The following FMN1 variants were observed in gnomAD, a reference collection of about 807,000 sequenced individuals.
FMN1 encodes formin-1.
FMN1 carries 110 observed loss-of-function variants against 132.4 expected under a neutral mutation model. That is an observed-to-expected ratio of 0.83 (90% CI 0.71 to 0.97). FMN1 has a LOEUF of 0.97. Ranked by LOEUF, FMN1 falls within the 50% of genes least tolerant of loss-of-function variation. The pLI, the probability that FMN1 is intolerant of heterozygous loss-of-function variation, is 0.00. For synonymous variants in FMN1, 722 were observed against 651.7 expected (o/e 1.11, Z -1.64); for missense variants, 1,792 against 1,705.3 (o/e 1.05, Z -0.90).
chr15:33,088,719 C>A (rs766842516), intron 5 of FMN1, 80 bp downstream of exon 5: 32 of 1,236,624 alleles, frequency 2.6e-5, no homozygotes, highest in Non-Finnish European at 3.2e-5. Context: ...TTTATATACA[C>A]AATTTACATT....
At chr15:33,010,328 G>A (rs369963200) in intron 6 of FMN1, among the ~76,000 whole-genome samples, 3 of 152,110 alleles carry the variant, frequency 2.0e-5, no homozygotes, top group Non-Finnish European at 2.9e-5. Context: ...GGAGGGGGTT[G>A]ACTGCAAAGT....
intron 6 of FMN1, among the ~76,000 whole-genome samples, chr15:33,019,442 G>A (rs538394812): frequency 3.3e-5 from 5 of 152,304 alleles, no homozygotes; most frequent in South Asian, 4.1e-4. Flanking sequence ...ATCCTGCACC[G>A]GGGCCGCAGG....
chr15:32,856,555 TTC>T (rs1364825510), intron 17 of FMN1, among the ~76,000 whole-genome samples: 2 of 152,168 alleles, frequency 1.3e-5, no homozygotes, highest in African/African-American at 4.8e-5. Flanking sequence ...GGCCCTAATT[TTC>T]CTATCTGAAA....
intron 7 of FMN1, among the ~76,000 whole-genome samples, chr15:32,994,751 G>A (rs919803661): frequency 2.1e-5 from 2 of 94,072 alleles, no homozygotes; most frequent in Admixed American, 2.7e-4. Context: ...GGATGATCAA[G>A]TTCATAAAGC....
chr15:33,122,288 C>T (rs185846439), intron 4 of FMN1, among the ~76,000 whole-genome samples: 29 of 152,280 alleles, frequency 1.9e-4, no homozygotes, highest in African/African-American at 6.3e-4. Flanking sequence ...CTCCGTAAAA[C>T]GTTGTTGTGT....
At chr15:33,035,453 C>A (rs2036146914) in intron 6 of FMN1, among the ~76,000 whole-genome samples, 1 of 152,216 alleles carries the variant, frequency 6.6e-6, no homozygotes, top group African/African-American at 2.4e-5. Context: ...TGGCTCTGCA[C>A]TGCTTCTGGG....
chr15:33,026,410 TCACACACACACA>T (rs71113496), intron 6 of FMN1, among the ~76,000 whole-genome samples: 1 of 140,114 alleles, frequency 7.1e-6, no homozygotes, highest in African/African-American at 2.6e-5. Flanking sequence ...GTCCAAATTT[TCACACACACACA>T]CACACACACA....
intron 7 of FMN1, among the ~76,000 whole-genome samples, chr15:32,999,570 C>T (rs2033972999): frequency 6.6e-6 from 1 of 152,222 alleles, no homozygotes; most frequent in Non-Finnish European, 1.5e-5. Context: ...AATGTGACTG[C>T]ATTGCACAAT....
intron 6 of FMN1, among the ~76,000 whole-genome samples, chr15:33,048,631 C>CAAAAA (rs768997793): frequency 1.6e-4 from 7 of 43,440 alleles, no homozygotes; most frequent in African/African-American, 4.5e-4. Context: ...GGCAATTTAC[C>CAAAAA]AAAAAAAAAA....
At chr15:32,905,377 C>A (rs1309088156) in intron 12 of FMN1, among the ~76,000 whole-genome samples, 1 of 152,222 alleles carries the variant, frequency 6.6e-6, no homozygotes, top group East Asian at 1.9e-4. Context: ...CTAACAGAGT[C>A]TACTGTGTGG....
intron 5 of FMN1, among the ~76,000 whole-genome samples, chr15:33,074,368 T>C (rs1051918496): frequency 2.6e-5 from 4 of 152,226 alleles, no homozygotes; most frequent in African/African-American, 9.6e-5. Context: ...GCTGTGGCGT[T>C]CCTCTGCCAA....
chr15:32,867,208 C>T (rs1045558700), intron 16 of FMN1, among the ~76,000 whole-genome samples: 1 of 152,154 alleles, frequency 6.6e-6, no homozygotes, highest in African/African-American at 2.4e-5. Flanking sequence ...TCAAAGTGAC[C>T]TTTATAAAAT....
intron 17 of FMN1, among the ~76,000 whole-genome samples, chr15:32,846,706 C>G (rs1596071867): frequency 6.6e-6 from 1 of 152,188 alleles, no homozygotes; most frequent in Non-Finnish European, 1.5e-5. Context: ...AATCCCATTA[C>G]TGGTATATAC....
chr15:32,948,941 T>C (rs560354441), intron 9 of FMN1, among the ~76,000 whole-genome samples: 2 of 152,178 alleles, frequency 1.3e-5, no homozygotes, highest in African/African-American at 4.8e-5. Flanking sequence ...CAACCTAATA[T>C]TTCCTTTTAA....
At chr15:33,175,799 C>T (rs1005659030) in intron 3 of FMN1, among the ~76,000 whole-genome samples, 4 of 152,126 alleles carry the variant, frequency 2.6e-5, no homozygotes, top group Non-Finnish European at 5.9e-5. Context: ...AATTCTCACC[C>T]ATATATTGTT....
intron 16 of FMN1, among the ~76,000 whole-genome samples, chr15:32,864,922 A>AT (rs1285173441): frequency 2.6e-5 from 4 of 152,246 alleles, no homozygotes; most frequent in African/African-American, 2.4e-5. Context: ...ATATTTGGCC[A>AT]TTAAAACAAA....
At chr15:33,047,625 G>A (rs343908) in intron 6 of FMN1, among the ~76,000 whole-genome samples, 53,262 of 151,930 alleles carry the variant, frequency 0.35, 10,025 homozygotes, top group Admixed American at 0.46. Flanking sequence ...GGTTTTCTTC[G>A]GTTTTGCATG....
chr15:32,780,249 C>T (rs1189271273), intron 19 of FMN1, among the ~76,000 whole-genome samples: 1 of 152,138 alleles, frequency 6.6e-6, no homozygotes, highest in African/African-American at 2.4e-5. Flanking sequence ...TTGTAAGACA[C>T]AGGAAGAGAC....
chr15:32,884,035 C>G (rs144334632), intron 16 of FMN1, among the ~76,000 whole-genome samples: 2 of 152,122 alleles, frequency 1.3e-5, no homozygotes, highest in African/African-American at 4.8e-5. Context: ...ATGCTGCACG[C>G]GCATGTGTGT....
Sources: allele counts gnomAD v4.1 joint callset (sites outside exome capture counted in the v4.1 genomes callset), GRCh38; gene constraint gnomAD v4.1.1; transcripts MANE v1.5; gene names NCBI Gene and HGNC (gene_info 2026-07-23, HGNC 2026-07-21).